RSPO2: variants seen among roughly 807,000 people sequenced by gnomAD.
RSPO2 encodes the protein R-spondin-2.
In RSPO2, 14 loss-of-function variants were observed where a neutral mutation model predicts 30.9. The observed-to-expected ratio is 0.45, with a 90% CI of 0.30 to 0.71. RSPO2 has a LOEUF of 0.71. RSPO2 is among the 30% of genes least tolerant of loss of function. The pLI, the probability that RSPO2 is intolerant of heterozygous loss-of-function variation, is 0.08. For synonymous variants in RSPO2, 107 were observed against 96.4 expected, an observed-to-expected ratio of 1.11 and a Z score of -0.64; for missense variants, 264 against 301.9, an observed-to-expected ratio of 0.87 and a Z score of 0.93.
chr8:108,062,371 C>G (rs1812498957), intron 2 of RSPO2, among the ~76,000 whole-genome samples: 1 of 151,842 alleles, frequency 6.6e-6, no homozygotes, highest in African/African-American at 2.4e-5. Context: ...ACCGATCCCA[C>G]AGAAATACAG....
At chr8:107,914,977 G>T (rs990001584) in intron 5 of RSPO2, among the ~76,000 whole-genome samples, 1 of 152,074 alleles carries the variant, frequency 6.6e-6, no homozygotes, top group African/African-American at 2.4e-5. Context: ...CTGTTTTAAT[G>T]ACCATTGAAT....
chr8:107,941,411 A>C (rs1301647733), intron 5 of RSPO2, among the ~76,000 whole-genome samples: 1 of 152,178 alleles, frequency 6.6e-6, no homozygotes, highest in Non-Finnish European at 1.5e-5. Flanking sequence ...GGTGCCAAAA[A>C]ATAGATCACT....
chr8:107,966,322 G>T (rs964630374), intron 3 of RSPO2, among the ~76,000 whole-genome samples: 2 of 152,086 alleles, frequency 1.3e-5, no homozygotes, highest in Admixed American at 6.6e-5. Context: ...CATCCTGACA[G>T]GTACATAGAA....
chr8:107,900,534 A>G lies in RSPO2; in HGVS notation c.*541T>C, dbSNP rs117326891. ...TATATGTAGCTCCTGCAGTATATGT[A>G]CATATTAGGGCTGCAGTGAAACTGA... is the stretch of plus-strand genomic sequence containing the variant. On this transcript the variant is annotated 3_prime_UTR_variant, in exon 6 of 6. Transcript: ENST00000276659. 0.011 allele frequency: 1,680 copies of G among 152,938 alleles called. 16 individuals carry two copies. The highest frequency in any genetic ancestry group is 0.016 in the Non-Finnish European group (1,085 of 68,272). 9.5% of individuals were successfully genotyped at this position (152,938 alleles called of 1,614,324 possible).
chr8:108,031,670 C>G (rs1811426665), intron 2 of RSPO2, among the ~76,000 whole-genome samples: 1 of 152,088 alleles, frequency 6.6e-6, no homozygotes. Context: ...TTTACTGACA[C>G]TGGGAATGTT....
intron 2 of RSPO2, among the ~76,000 whole-genome samples, chr8:108,070,660 CT>C (rs772416283): frequency 7.4e-4 from 113 of 152,270 alleles, no homozygotes; most frequent in Non-Finnish European, 1.1e-3. Context: ...TTATATTTAA[CT>C]ACCTATTAGA....
At chr8:107,993,702 G>T (rs529133482) in intron 2 of RSPO2, among the ~76,000 whole-genome samples, 1 of 152,234 alleles carries the variant, frequency 6.6e-6, no homozygotes, top group Middle Eastern at 3.4e-3. Context: ...CACAATTCTA[G>T]AGACTAGAAG....
At chr8:107,910,370 C>A (rs1272004240) in intron 5 of RSPO2, among the ~76,000 whole-genome samples, 2 of 152,124 alleles carry the variant, frequency 1.3e-5, no homozygotes, top group Non-Finnish European at 2.9e-5. Context: ...TTATACATGG[C>A]AGCTATATAA....
intron 2 of RSPO2, among the ~76,000 whole-genome samples, chr8:108,063,401 A>C (rs1812543259): frequency 6.6e-6 from 1 of 151,890 alleles, no homozygotes; most frequent in African/African-American, 2.4e-5. Context: ...ACAAAAAGAG[A>C]GCCAAATCAT....
intron 2 of RSPO2, among the ~76,000 whole-genome samples, chr8:108,081,309 A>T (rs1266692676): frequency 6.6e-6 from 1 of 152,222 alleles, no homozygotes; most frequent in African/African-American, 2.4e-5. Flanking sequence ...TAAGGTTCGG[A>T]AAGTCCTCCT....
At chr8:108,060,610 G>T (rs1399570146) in intron 2 of RSPO2, among the ~76,000 whole-genome samples, 1 of 151,744 alleles carries the variant, frequency 6.6e-6, no homozygotes, top group Non-Finnish European at 1.5e-5. Context: ...AAAACACTCT[G>T]CAGGATATTA....
At chr8:108,006,191 A>G (rs1236145434) in intron 2 of RSPO2, among the ~76,000 whole-genome samples, 1 of 152,224 alleles carries the variant, frequency 6.6e-6, no homozygotes, top group Non-Finnish European at 1.5e-5. Context: ...ACATCTTTAC[A>G]TAATCCCAAA....
intron 5 of RSPO2, among the ~76,000 whole-genome samples, chr8:107,914,462 TAAAA>T (rs35990028): frequency 5.6e-5 from 8 of 142,892 alleles, no homozygotes; most frequent in Admixed American, 2.1e-4. Flanking sequence ...ACAGAATAGG[TAAAA>T]AAAAAAAAAT....
chr8:108,077,098 C>T (rs1031401), intron 2 of RSPO2, among the ~76,000 whole-genome samples: 32,662 of 152,060 alleles, frequency 0.21, 3,701 homozygotes, highest in East Asian at 0.43. Context: ...CACTCAATTT[C>T]GCTGTGAACC....
chr8:108,025,886 C>T (rs1367690698), intron 2 of RSPO2, among the ~76,000 whole-genome samples: 3 of 152,112 alleles, frequency 2.0e-5, no homozygotes, highest in Admixed American at 1.3e-4. Flanking sequence ...AGAAGACCAC[C>T]ACTTGGCAAT....
At chr8:108,021,459 T>C (rs759669054) in intron 2 of RSPO2, among the ~76,000 whole-genome samples, 1 of 152,176 alleles carries the variant, frequency 6.6e-6, no homozygotes, top group South Asian at 2.1e-4. Context: ...GCCCATTCCT[T>C]TTCAGTTTAA....
Position 108,057,974 on chromosome 8 carries a change from T to C in RSPO2, c.94+24571A>G, listed in dbSNP as rs1469110387. Among the ~76,000 whole-genome samples the C allele has an allele frequency of 3.3e-5, 5 of 152,300 alleles. 1 individual carries two copies. Among genetic ancestry groups the C allele is most frequent in the African/African-American group, 1.2e-4 (5 of 41,552 alleles). ...TAATTGAAAACCCTTTATTTCCTTC[T>C]CCTGCCTAATTGCCCTGGCCAGAAC... On this transcript the variant is annotated intron_variant, in intron 2 of 5. Transcript: ENST00000276659.
At position 108,082,674 on chromosome 8, in the gene RSPO2, G is replaced by A; in HGVS notation, c.-36C>T. ...GGGCGGGGGAGAGACGCCTCTCAAA[G>A]TCTAGGAACTGGAGGGTTCGCCCAA... On this transcript the variant is annotated 5_prime_UTR_variant, in exon 2 of 6. Coordinates refer to ENST00000276659, the MANE Select transcript of RSPO2 (RefSeq NM_178565.5). The A allele has an allele frequency of 6.4e-7, 1 of 1,563,168 alleles. No individual in the cohort carries two copies.
At chr8:108,052,777 C>T (rs1209054187) in intron 2 of RSPO2, among the ~76,000 whole-genome samples, 2 of 152,120 alleles carry the variant, frequency 1.3e-5, no homozygotes, top group Admixed American at 6.5e-5. Flanking sequence ...ATGAAATAAT[C>T]GGATCAACAT....
Sources: gnomAD v4.1 joint callset for allele counts (sites outside exome capture counted in the v4.1 genomes callset) on GRCh38, gnomAD v4.1.1 for gene constraint, MANE v1.5 for transcripts, NCBI Gene and HGNC (gene_info 2026-07-23, HGNC 2026-07-21) for gene names.